NIPAL2: variants seen among roughly 807,000 people sequenced by gnomAD.
NIPAL2 encodes the protein NIPA-like protein 2.
A neutral mutation model predicts 48.9 loss-of-function variants in NIPAL2; 43 were observed. The observed-to-expected ratio is 0.88, with a 90% CI of 0.69 to 1.13. The LOEUF is 1.13. Ranked by LOEUF, NIPAL2 falls within the 50% of genes most tolerant of loss-of-function variation. The probability of loss-of-function intolerance (pLI) is 0.00; values close to 1 mark genes in which losing one functional copy is unlikely to be tolerated. For missense variants in NIPAL2, 446 were observed against 461.4 expected (o/e 0.97, Z 0.31); for synonymous variants, 167 against 174.6 (o/e 0.96, Z 0.34).
rs34210829 is a variant in NIPAL2 at position 98,236,851 on chromosome 8, C to CAAAAAAAAAA, written c.377-647_377-638dup. 1.3e-4 allele frequency among the ~76,000 whole-genome samples: 9 copies of CAAAAAAAAAA among 66,898 alleles called. No individual in the cohort carries two copies. The South Asian group carries it at 2.4e-3, about 18-fold the overall frequency. 43.9% of individuals were successfully genotyped at this position (66,898 alleles called of 152,430 possible). ...TCAGTGACAGAAGGAGATCCTGTCT[C>CAAAAAAAAAA]AAAAAAAAAAAAAAAAAAAAAAAAG... On this transcript the variant is annotated intron_variant, in intron 3 of 10. Coordinates refer to ENST00000430223, the MANE Select transcript of NIPAL2 (RefSeq NM_001321635.2).
intron 6 of NIPAL2, among the ~76,000 whole-genome samples, chr8:98,210,939 A>T (rs1301475462): frequency 1.3e-5 from 2 of 152,194 alleles, no homozygotes; most frequent in East Asian, 1.9e-4. Flanking sequence ...GCAACCTGCA[A>T]GGGCCAATCA....
At chr8:98,257,689 A>C (rs1302540880) in intron 1 of NIPAL2, among the ~76,000 whole-genome samples, 1 of 152,104 alleles carries the variant, frequency 6.6e-6, no homozygotes, top group Non-Finnish European at 1.5e-5. Context: ...AGACTCAGGC[A>C]CCTTTTTAGG....
intron 1 of NIPAL2, among the ~76,000 whole-genome samples, chr8:98,270,681 T>G (rs1476647946): frequency 1.3e-5 from 2 of 152,188 alleles, no homozygotes; most frequent in East Asian, 3.8e-4. Flanking sequence ...TCTTTGGGTG[T>G]GCAGAAGCTC....
intron 4 of NIPAL2, among the ~76,000 whole-genome samples, chr8:98,233,794 G>C (rs1488407604): frequency 6.6e-6 from 1 of 152,160 alleles, no homozygotes; most frequent in African/African-American, 2.4e-5. Flanking sequence ...AGCCTTACAG[G>C]CAGGAGTTAA....
intron 3 of NIPAL2, among the ~76,000 whole-genome samples, chr8:98,245,605 A>G (rs558622498): frequency 7.9e-5 from 12 of 152,356 alleles, no homozygotes; most frequent in African/African-American, 2.9e-4. Flanking sequence ...GCATGCGTTA[A>G]TGTTAAAGTT....
At chr8:98,249,588 A>G (rs1813476027) in intron 3 of NIPAL2, among the ~76,000 whole-genome samples, 1 of 148,158 alleles carries the variant, frequency 6.7e-6, no homozygotes, top group East Asian at 1.9e-4. Flanking sequence ...TTATCTATTA[A>G]TATGTAACTA....
chr8:98,193,069 AT>A lies in NIPAL2; in HGVS notation c.1060del (p.Ile354TyrfsTer33). The A allele has an allele frequency of 6.2e-7, 1 of 1,613,842 alleles. No individual in the cohort carries two copies. The highest frequency in any genetic ancestry group is 8.5e-7 in the Non-Finnish European group (1 of 1,179,798). On this transcript the variant is annotated frameshift_variant, in exon 11 of 11. Transcript: ENST00000430223. LOFTEE classifies it high-confidence loss of function. The stretch of plus-strand genomic sequence containing the variant: ...GGATAAGCTATGTGAATCTGGTTGT[AT>A]TTTGTCCAACATTTGTTTCCCTGTG... ...NIPGKQMLDK[I>X]QPDSHSLSYG...
At position 98,193,376 on chromosome 8, in the gene NIPAL2, T is replaced by C. The variant is rs762789223; in HGVS notation, c.1040-286A>G. 4.3e-6 allele frequency: 7 copies of C among 1,613,920 alleles called. No homozygotes were observed. The African/African-American group carries it at 6.7e-5, about 15-fold the overall frequency. On this transcript the variant is annotated intron_variant, in intron 10 of 10. Transcript: ENST00000430223. ...TTAGTCTGGAGATTCACATGAAGCA[T>C]TCACTCACCTCCAAGCCTTTCTCTC...
intron 6 of NIPAL2, among the ~76,000 whole-genome samples, chr8:98,205,918 T>G (rs1051331654): frequency 1.3e-5 from 2 of 152,224 alleles, no homozygotes; most frequent in Non-Finnish European, 2.9e-5. Flanking sequence ...AAGGTTTACA[T>G]AAGCAATAGC....
Position 98,252,616 on chromosome 8 carries a change from G to A in NIPAL2, c.223C>T (p.Leu75=), listed in dbSNP as rs771951271. The change falls in exon 3 of 11, where the codon CTG becomes TTG. Residue 75 remains leucine, a synonymous_variant. Coordinates refer to ENST00000430223, the MANE Select transcript of NIPAL2 (RefSeq NM_001321635.2). ...GGCCTTGGGTGCTCTTGTTGTGCCA[G>A]CTGAAGGTGAGAATATTTCTGAAAG... ...LNIQKYSHLQ[L]AQQEHPRPYF... is the part of the protein sequence containing the mutation. 1.2e-6 allele frequency: 2 copies of A among 1,612,164 alleles called. No homozygotes were observed. The highest frequency in any genetic ancestry group is 2.2e-5 in the East Asian group (1 of 44,804).
At chr8:98,236,074 T>C (rs1221516454) in intron 4 of NIPAL2, 81 bp downstream of exon 4, 3 of 998,512 alleles carry the variant, frequency 3.0e-6, no homozygotes, top group Non-Finnish European at 4.6e-6. Context: ...CCAGTTTTTA[T>C]CGCACATATT....
chr8:98,191,101 G>A lies in NIPAL2; in HGVS notation c.*1877C>T, dbSNP rs566492251. 1 of 152,324 alleles carries A rather than the reference G, an allele frequency of 6.6e-6. No homozygotes were observed. Among genetic ancestry groups the A allele is most frequent in the African/African-American group, 2.4e-5 (1 of 41,564 alleles). 9.4% of individuals were successfully genotyped at this position (152,324 alleles called of 1,614,324 possible). ...AAACGTTTAATAGATGCAACTGTTGGCGGCTGCTAAAGTACTGGTGTTATG... is the reference window on the plus strand; with the variant it reads ...AAACGTTTAATAGATGCAACTGTTGACGGCTGCTAAAGTACTGGTGTTATG... On this transcript the variant is annotated 3_prime_UTR_variant, in exon 11 of 11. Coordinates refer to ENST00000430223, the MANE Select transcript of NIPAL2 (RefSeq NM_001321635.2).
chr8:98,291,993 A>T (rs1231564517), intron 1 of NIPAL2, among the ~76,000 whole-genome samples: 1 of 152,232 alleles, frequency 6.6e-6, no homozygotes, highest in Non-Finnish European at 1.5e-5. Context: ...AGGTTAATTG[A>T]TCAGATTTGA....
chr8:98,261,002 C>T (rs1358773395), intron 1 of NIPAL2, among the ~76,000 whole-genome samples: 1 of 152,226 alleles, frequency 6.6e-6, no homozygotes, highest in African/African-American at 2.4e-5. Context: ...CTGGGAGGCA[C>T]CCACCAGCAG....
intron 3 of NIPAL2, among the ~76,000 whole-genome samples, chr8:98,238,107 C>A (rs1812806383): frequency 6.6e-6 from 1 of 152,174 alleles, no homozygotes; most frequent in South Asian, 2.1e-4. Flanking sequence ...GCTACTGTCG[C>A]CTCAGGTACC....
Position 98,192,879 on chromosome 8 carries a change from A to T in NIPAL2, c.*99T>A, listed in dbSNP as rs1810360549. ...AAAGGACTGAAATGAATGCTAGCAC[A>T]TGTTAGCTTATAAAAGAGCTGCTGA... On this transcript the variant is annotated 3_prime_UTR_variant, in exon 11 of 11. Transcript: ENST00000430223. 1 of 742,944 alleles carries T rather than the reference A, an allele frequency of 1.3e-6. No homozygotes were observed. Among genetic ancestry groups the T allele is most frequent in the Non-Finnish European group, 2.4e-6 (1 of 419,124 alleles). The allele number at this position is 742,944 out of a possible 1,614,324, so 46.0% of individuals were successfully genotyped here.
At chr8:98,235,090 G>T (rs989593101) in intron 4 of NIPAL2, among the ~76,000 whole-genome samples, 9 of 152,122 alleles carry the variant, frequency 5.9e-5, no homozygotes, top group Admixed American at 5.9e-4. Flanking sequence ...ACGCTCAAGG[G>T]AAACATGATC....
intron 2 of NIPAL2, among the ~76,000 whole-genome samples, chr8:98,253,437 TTTTA>T (rs1437321389): frequency 1.3e-5 from 2 of 152,244 alleles, no homozygotes; most frequent in Non-Finnish European, 2.9e-5. Context: ...ATTTAAAATT[TTTTA>T]TTTAATTCAT....
chr8:98,231,189 A>G (rs1812423981), intron 4 of NIPAL2, among the ~76,000 whole-genome samples: 1 of 152,174 alleles, frequency 6.6e-6, no homozygotes, highest in African/African-American at 2.4e-5. Flanking sequence ...GGCTTATGGT[A>G]GCTAAACCTT....
Sources: gnomAD v4.1 joint callset for allele counts (sites outside exome capture counted in the v4.1 genomes callset) on GRCh38, gnomAD v4.1.1 for gene constraint, MANE v1.5 for transcripts, NCBI Gene and HGNC (gene_info 2026-07-23, HGNC 2026-07-21) for gene names.